DCC: variants seen among roughly 807,000 people sequenced by gnomAD.
DCC encodes the protein netrin receptor DCC.
A neutral mutation model predicts 172.5 loss-of-function variants in DCC; 58 were observed. The ratio of observed to expected loss-of-function variants is 0.34; its 90% confidence interval spans 0.27 to 0.42. DCC has a LOEUF of 0.42. DCC is among the 10% of genes least tolerant of loss of function. The pLI is 1.00. For synonymous variants in DCC, 709 were observed against 644.5 expected, an observed-to-expected ratio of 1.10 and a Z score of -1.52; for missense variants, 1,740 against 1,791.0, an observed-to-expected ratio of 0.97 and a Z score of 0.51.
At chr18:52,747,903 G>A (rs551856448) in intron 1 of DCC, among the ~76,000 whole-genome samples, 165 of 152,284 alleles carry the variant, frequency 1.1e-3, no homozygotes, top group African/African-American at 3.9e-3. Flanking sequence ...CTAATGACAC[G>A]GTATTTTTCA....
intron 12 of DCC, 81 bp downstream of exon 12, chr18:53,215,678 C>A: frequency 8.7e-7 from 1 of 1,148,936 alleles, no homozygotes; most frequent in Non-Finnish European, 1.3e-6. Context: ...CAACTGCTGT[C>A]TTGAGTACAG....
intron 1 of DCC, among the ~76,000 whole-genome samples, chr18:52,586,622 C>G (rs1421870343): frequency 2.0e-5 from 3 of 152,154 alleles, no homozygotes; most frequent in Admixed American, 6.5e-5. Flanking sequence ...GAACAGGAAG[C>G]AAAACGTTTG....
intron 1 of DCC, among the ~76,000 whole-genome samples, chr18:52,436,680 G>C (rs1176756938): frequency 2.0e-5 from 3 of 152,194 alleles, no homozygotes; most frequent in African/African-American, 7.2e-5. Flanking sequence ...GGCTGAGGTG[G>C]GTGGATCACC....
intron 5 of DCC, among the ~76,000 whole-genome samples, chr18:52,963,612 G>A (rs1348340864): frequency 1.3e-5 from 2 of 152,182 alleles, no homozygotes; most frequent in African/African-American, 4.8e-5. Flanking sequence ...TGAGTGGGAA[G>A]GTGTTGTGGA....
At position 53,182,422 on chromosome 18, in the gene DCC, C is replaced by T. The variant is rs973109815; in HGVS notation, c.1573+3306C>T. On this transcript the variant is annotated intron_variant, in intron 9 of 28. Transcript: ENST00000442544. ...TTGATTCTGTTTCACTGAACATTGC[C>T]ACTGGATAATTCCTCCCTTACTGAG... Among the ~76,000 whole-genome samples the T allele has an allele frequency of 5.9e-5, 9 of 152,238 alleles. No homozygotes were observed. In the East Asian group the frequency reaches 1.2e-3, roughly 20 times the overall value.
chr18:52,831,783 G>C (rs2038618345), intron 2 of DCC, among the ~76,000 whole-genome samples: 1 of 152,072 alleles, frequency 6.6e-6, no homozygotes, highest in Admixed American at 6.5e-5. Flanking sequence ...TACAAATGTG[G>C]ATTTAGGATG....
intron 1 of DCC, among the ~76,000 whole-genome samples, chr18:52,727,538 T>G (rs1372194817): frequency 2.0e-5 from 3 of 152,250 alleles, no homozygotes; most frequent in Non-Finnish European, 2.9e-5. Context: ...CACCTTATCC[T>G]GCAGTTGGAC....
At chr18:53,318,358 A>T (rs1185177901) in intron 13 of DCC, among the ~76,000 whole-genome samples, 1 of 152,010 alleles carries the variant, frequency 6.6e-6, no homozygotes, top group Non-Finnish European at 1.5e-5. Flanking sequence ...ATTTGTTATG[A>T]TTTTCATTCT....
chr18:52,567,724 A>G (rs1030205138), intron 1 of DCC, among the ~76,000 whole-genome samples: 1 of 152,148 alleles, frequency 6.6e-6, no homozygotes, highest in African/African-American at 2.4e-5. Context: ...CATTATTTCC[A>G]TGATGGGTAC....
intron 27 of DCC, among the ~76,000 whole-genome samples, chr18:53,521,435 A>G (rs553677498): frequency 2.0e-5 from 3 of 152,262 alleles, no homozygotes; most frequent in Non-Finnish European, 4.4e-5. Context: ...AAAATACACC[A>G]TAAGAATGTA....
chr18:53,312,906 G>GA (rs1448743312), intron 13 of DCC, among the ~76,000 whole-genome samples: 1 of 67,960 alleles, frequency 1.5e-5, no homozygotes, highest in African/African-American at 3.4e-5. Flanking sequence ...GGAGAGGAGG[G>GA]AAGGGAAAGG....
At chr18:52,359,242 G>A (rs1310574433) in intron 1 of DCC, among the ~76,000 whole-genome samples, 1 of 152,152 alleles carries the variant, frequency 6.6e-6, no homozygotes, top group Non-Finnish European at 1.5e-5. Context: ...CATTGGGTTT[G>A]AGGTACACAT....
At chr18:53,169,189 G>C (rs565889918) in intron 8 of DCC, among the ~76,000 whole-genome samples, 1 of 152,324 alleles carries the variant, frequency 6.6e-6, no homozygotes, top group South Asian at 2.1e-4. Flanking sequence ...TACAGGGACT[G>C]ATCTCAGTAA....
At chr18:53,302,676 C>A (rs2057155286) in intron 12 of DCC, among the ~76,000 whole-genome samples, 2 of 152,096 alleles carry the variant, frequency 1.3e-5, no homozygotes. Flanking sequence ...CTGTCCTTAG[C>A]ATATATTCTT....
intron 1 of DCC, among the ~76,000 whole-genome samples, chr18:52,365,033 CA>C (rs60085981): frequency 0.048 from 7,174 of 149,306 alleles, 366 homozygotes; most frequent in African/African-American, 0.13. Context: ...TTTTAGGAGA[CA>C]AAAAAAAATA....
intron 1 of DCC, among the ~76,000 whole-genome samples, chr18:52,742,625 A>C (rs920979002): frequency 6.6e-6 from 1 of 152,194 alleles, no homozygotes; most frequent in Non-Finnish European, 1.5e-5. Context: ...TATGGTTTCA[A>C]TTGCATTTTG....
chr18:52,423,231 C>T (rs1230363140), intron 1 of DCC, among the ~76,000 whole-genome samples: 1 of 152,100 alleles, frequency 6.6e-6, no homozygotes, highest in Non-Finnish European at 1.5e-5. Flanking sequence ...GCCCAAGAAA[C>T]CTATGCAGGG....
intron 2 of DCC, among the ~76,000 whole-genome samples, chr18:52,838,064 A>G (rs1430934227): frequency 6.6e-6 from 1 of 152,184 alleles, no homozygotes; most frequent in Non-Finnish European, 1.5e-5. Context: ...TGATTCAATT[A>G]TCTCCACCTG....
At chr18:52,614,759 C>G (rs981636368) in intron 1 of DCC, among the ~76,000 whole-genome samples, 3 of 151,604 alleles carry the variant, frequency 2.0e-5, no homozygotes, top group Middle Eastern at 3.4e-3. Flanking sequence ...CATGTTACAT[C>G]TGAAAAAAAA....
Sources: allele counts gnomAD v4.1 joint callset (sites outside exome capture counted in the v4.1 genomes callset), GRCh38; gene constraint gnomAD v4.1.1; transcripts MANE v1.5; gene names NCBI Gene and HGNC (gene_info 2026-07-23, HGNC 2026-07-21).